The following UQCRH variants were observed in gnomAD, a reference collection of about 807,000 sequenced individuals.
The protein encoded by UQCRH is ubiquinol-cytochrome c reductase hinge protein, also known as cytochrome b-c1 complex subunit 6, mitochondrial.
Under a neutral mutation model 16.3 loss-of-function variants are expected in UQCRH, and 14 were observed. That is an observed-to-expected ratio of 0.86 (90% CI 0.57 to 1.34). UQCRH has a LOEUF of 1.34. Among genes scored for constraint, UQCRH ranks in the 40% most tolerant of loss-of-function variants. The probability of loss-of-function intolerance (pLI) is 0.00; values close to 1 mark genes in which losing one functional copy is unlikely to be tolerated. For synonymous variants in UQCRH, 41 were observed against 41.9 expected (o/e 0.98, Z 0.08); for missense variants, 89 against 111.9 (o/e 0.80, Z 0.92).
At chr1:46,307,892 G>GT (rs1432619705) in intron 1 of UQCRH, among the ~76,000 whole-genome samples, 8 of 152,172 alleles carry the variant, frequency 5.3e-5, no homozygotes, top group African/African-American at 1.9e-4. Flanking sequence ...TCCTAACTTG[G>GT]TTTGGGATGT....
At chr1:46,306,447 C>T (rs979680892) in intron 1 of UQCRH, among the ~76,000 whole-genome samples, 2 of 145,278 alleles carry the variant, frequency 1.4e-5, no homozygotes, top group Non-Finnish European at 3.0e-5. Context: ...GGCGCGATCT[C>T]ACTGCAACCT....
chr1:46,310,520 C>T (rs1009963103), intron 3 of UQCRH, among the ~76,000 whole-genome samples: 4 of 152,174 alleles, frequency 2.6e-5, no homozygotes, highest in African/African-American at 9.7e-5. Context: ...TGAAGTACAG[C>T]GGCATGATCG....
rs562537935 is a variant in UQCRH, at chr1:46,305,889, C to T, written c.54+2069C>T. Among the ~76,000 whole-genome samples, 16 of 151,884 alleles carry T rather than the reference C, an allele frequency of 1.1e-4. No individual in the cohort carries two copies. The South Asian group carries it at 3.1e-3, about 30-fold the overall frequency. On this transcript the variant is annotated intron_variant, in intron 1 of 3. Coordinates refer to ENST00000311672, the MANE Select transcript of UQCRH (RefSeq NM_006004.4). ...GGCGTGATCCGGCTCACTGCAACCT[C>T]CGCTCCCGGGTTCAAGCGATTCTCT...
chr1:46,315,107 C>T (rs962048126), intron 3 of UQCRH, among the ~76,000 whole-genome samples: 1 of 152,088 alleles, frequency 6.6e-6, no homozygotes, highest in Non-Finnish European at 1.5e-5. Flanking sequence ...TTGAGACCAC[C>T]TCGGACAACA....
At chr1:46,307,526 C>G (rs1203892863) in intron 1 of UQCRH, among the ~76,000 whole-genome samples, 2 of 152,200 alleles carry the variant, frequency 1.3e-5, no homozygotes, top group Non-Finnish European at 2.9e-5. Flanking sequence ...CACAGGCAGG[C>G]AAACACCTTA....
rs146177119 is a variant in UQCRH at position 46,309,101 on chromosome 1, G to T, written c.55G>T (p.Glu19Ter). The change falls in exon 2 of 4, where the codon GAG becomes TAG. Residue 19 changes from glutamate to a stop codon, truncating the protein, a stop_gained and splice_region_variant. Transcript: ENST00000311672. LOFTEE classifies it high-confidence loss of function. ...CATTAATTTTGTTTTCCTTTTGTAGGAGGAAGAGGAAGAGGAGGAATTAGT... is the reference window on the plus strand; with the variant it reads ...CATTAATTTTGTTTTCCTTTTGTAGTAGGAAGAGGAAGAGGAGGAATTAGT... The part of the protein sequence containing the change: ...MLTESGDPEE[E>*]EEEEEELVDP... The T allele has an allele frequency of 1.2e-6, 2 of 1,612,820 alleles. No individual in the cohort carries two copies. Among genetic ancestry groups the T allele is most frequent in the Middle Eastern group, 1.6e-4 (1 of 6,082 alleles).
chr1:46,312,128 C>G (rs1311351277), intron 3 of UQCRH, among the ~76,000 whole-genome samples: 1 of 150,112 alleles, frequency 6.7e-6, no homozygotes, highest in Non-Finnish European at 1.5e-5. Flanking sequence ...CTGAGTTGCA[C>G]TCTGTCACCC....
rs376855998 is a variant in UQCRH, at chr1:46,306,508, G to T, written c.55-2593G>T. Among the ~76,000 whole-genome samples, 44 of 151,738 alleles carry T rather than the reference G, an allele frequency of 2.9e-4. No individual in the cohort carries two copies. The East Asian group carries it at 3.5e-3, about 12-fold the overall frequency. On this transcript the variant is annotated intron_variant, in intron 1 of 3. Coordinates refer to ENST00000311672, the MANE Select transcript of UQCRH (RefSeq NM_006004.4). ...CCTGCCTCAGTCTCCCGAGTAGCTGGGACTACAGGCGTGTGCCATCACGCC... is the reference window on the plus strand; with the variant it reads ...CCTGCCTCAGTCTCCCGAGTAGCTGTGACTACAGGCGTGTGCCATCACGCC...
In UQCRH at chr1:46,316,733, AT is replaced by A. The variant is rs2148340292; in HGVS notation, c.*151del. The A allele has an allele frequency of 9.4e-7, 1 of 1,059,076 alleles. No homozygotes were observed. Among genetic ancestry groups the A allele is most frequent in the East Asian group, 2.9e-5 (1 of 34,700 alleles). 65.6% of individuals were successfully genotyped at this position (1,059,076 alleles called of 1,614,324 possible). ...GGCTTAGGCTGGTAGCTTCTATGTA[AT>A]TCGCAATGATTCCATCTAAATAAAA... is the stretch of plus-strand genomic sequence containing the variant. On this transcript the variant is annotated 3_prime_UTR_variant, in exon 4 of 4. Transcript: ENST00000311672.
chr1:46,313,530 G>A (rs1374814782), intron 3 of UQCRH, among the ~76,000 whole-genome samples: 1 of 152,164 alleles, frequency 6.6e-6, no homozygotes, highest in Non-Finnish European at 1.5e-5. Flanking sequence ...TTGGGAGGCT[G>A]AGGCTGGAGA....
intron 2 of UQCRH, 149 bp from the exon 3 acceptor site, chr1:46,310,006 C>T: frequency 2.0e-6 from 3 of 1,498,898 alleles, no homozygotes; most frequent in Non-Finnish European, 2.7e-6. Flanking sequence ...TCTGCCATTT[C>T]TGGCGGCAGT....
At chr1:46,311,406 G>T (rs1289014828) in intron 3 of UQCRH, among the ~76,000 whole-genome samples, 2 of 149,862 alleles carry the variant, frequency 1.3e-5, no homozygotes, top group Admixed American at 1.3e-4. Flanking sequence ...AGCGAAACCC[G>T]TCCCTACTAA....
intron 1 of UQCRH, among the ~76,000 whole-genome samples, chr1:46,304,159 A>C (rs893379991): frequency 1.3e-5 from 2 of 152,194 alleles, no homozygotes; most frequent in African/African-American, 4.8e-5. Context: ...GGGAGCAAAC[A>C]GACCGCCTTG....
chr1:46,312,094 AT>A (rs780057664), intron 3 of UQCRH, among the ~76,000 whole-genome samples: 384 of 136,996 alleles, frequency 2.8e-3, no homozygotes, highest in Admixed American at 3.1e-3. Flanking sequence ...TGCCTTGGTA[AT>A]TTTTTTTTTT....
At chr1:46,313,651 A>G (rs1661524158) in intron 3 of UQCRH, among the ~76,000 whole-genome samples, 1 of 141,974 alleles carries the variant, frequency 7.0e-6, no homozygotes, top group Non-Finnish European at 1.5e-5. Context: ...ACAGATAGAT[A>G]GATAGATAGA....
rs1481476205 is a variant in UQCRH at position 46,305,308 on chromosome 1, A to C, written c.54+1488A>C. On this transcript the variant is annotated intron_variant, in intron 1 of 3. Coordinates refer to ENST00000311672, the MANE Select transcript of UQCRH (RefSeq NM_006004.4). Reference sequence around the variant, plus strand: ...AGTGAGACCCTGTCTCAAAAAAAAAAAAAAAAAAAAAAACTAAAGAAAGAA... The same window carrying C: ...AGTGAGACCCTGTCTCAAAAAAAAACAAAAAAAAAAAAACTAAAGAAAGAA... Among the ~76,000 whole-genome samples the C allele has an allele frequency of 2.0e-5, 3 of 151,218 alleles. No homozygotes were observed. In the East Asian group the frequency reaches 5.8e-4, roughly 29 times the overall value.
At chr1:46,310,122 GC>G in intron 2 of UQCRH, 32 bp from the exon 3 acceptor site, 1 of 1,614,056 alleles carries the variant, frequency 6.2e-7, no homozygotes, top group East Asian at 2.2e-5. Flanking sequence ...TGCTAAAAAT[GC>G]CCATTTTGTT....
At position 46,316,464 on chromosome 1, in the gene UQCRH, G is replaced by T. The variant is rs111646431; in HGVS notation, c.244-88G>T. The stretch of plus-strand genomic sequence containing the variant: ...TGAGAAGGGGAGTGGTGAGAAGAGG[G>T]GCAGTACTGTTTCAGGTCTTGAAGG... On this transcript the variant is annotated intron_variant, in intron 3 of 3. Transcript: ENST00000311672. The T allele has an allele frequency of 4.4e-4, 687 of 1,568,182 alleles. 2 individuals carry two copies. The African/African-American group carries it at 8.3e-3, about 19-fold the overall frequency.
chr1:46,309,078 T>A, intron 1 of UQCRH, 23 bp from the exon 2 acceptor site: 6 of 1,613,250 alleles, frequency 3.7e-6, no homozygotes, highest in Non-Finnish European at 5.1e-6. Context: ...GCTGCTGACA[T>A]TAATTTTGTT....
Sources: allele counts gnomAD v4.1 joint callset (sites outside exome capture counted in the v4.1 genomes callset), GRCh38; gene constraint gnomAD v4.1.1; transcripts MANE v1.5; gene names NCBI Gene and HGNC (gene_info 2026-07-23, HGNC 2026-07-21).